ZNF407: variants seen among roughly 807,000 people sequenced by gnomAD.
ZNF407 encodes the protein zinc finger protein 407.
ZNF407 carries 17 observed loss-of-function variants against 131.2 expected under a neutral mutation model. That is an observed-to-expected ratio of 0.13 (90% confidence interval 0.09 to 0.19). The LOEUF (loss-of-function observed/expected upper bound fraction) is 0.19. Ranked by LOEUF, ZNF407 falls within the 10% of genes least tolerant of loss-of-function variation. The pLI is 1.00. For missense variants in ZNF407, 2,681 were observed against 2,830.6 expected (o/e 0.95, Z 1.20); for synonymous variants, 1,156 against 1,062.0 (o/e 1.09, Z -1.72).
chr18:74,717,454 CAT>C (rs1967921862), intron 3 of ZNF407, among the ~76,000 whole-genome samples: 1 of 152,296 alleles, frequency 6.6e-6, no homozygotes, highest in South Asian at 2.1e-4. Context: ...TTATTTCTCA[CAT>C]GATAACTGTT....
At chr18:74,863,260 C>G (rs1046504891) in intron 4 of ZNF407, among the ~76,000 whole-genome samples, 5 of 151,180 alleles carry the variant, frequency 3.3e-5, no homozygotes, top group African/African-American at 4.9e-5. Flanking sequence ...ACTTCCACCT[C>G]TTCTGCTTGT....
chr18:74,818,168 C>A (rs367902123), intron 4 of ZNF407, among the ~76,000 whole-genome samples: 42 of 152,078 alleles, frequency 2.8e-4, no homozygotes, highest in Non-Finnish European at 5.9e-4. Flanking sequence ...TTGGTGAGTC[C>A]GCCTGTGCCC....
chr18:74,741,208 A>G (rs1300115925), intron 3 of ZNF407, among the ~76,000 whole-genome samples: 2 of 152,202 alleles, frequency 1.3e-5, no homozygotes, highest in African/African-American at 4.8e-5. Flanking sequence ...ACGTTTCTAT[A>G]GTCAGGTCGG....
rs1966917509 is a variant in ZNF407, at chr18:74,679,000, C to G, written c.4802+37878C>G. ...AGATGCAGAGGAGAAAATTTCAAAGCCTGTTTACACCAAGTTCTGGAAAAT... is the reference window on the plus strand; with the variant it reads ...AGATGCAGAGGAGAAAATTTCAAAGGCTGTTTACACCAAGTTCTGGAAAAT... On this transcript the variant is annotated intron_variant, in intron 3 of 8. Transcript: ENST00000299687. Among the ~76,000 whole-genome samples the G allele has an allele frequency of 2.6e-5, 4 of 150,984 alleles. No individual in the cohort carries two copies. The South Asian group carries it at 8.4e-4, about 32-fold the overall frequency.
At chr18:74,696,369 C>G (rs1235712819) in intron 3 of ZNF407, among the ~76,000 whole-genome samples, 1 of 152,194 alleles carries the variant, frequency 6.6e-6, no homozygotes, top group East Asian at 1.9e-4. Flanking sequence ...TGAAAGTTTC[C>G]TGTTCTCCAG....
chr18:74,914,760 C>T (rs796997754), intron 7 of ZNF407, among the ~76,000 whole-genome samples: 3 of 152,230 alleles, frequency 2.0e-5, no homozygotes, highest in African/African-American at 7.2e-5. Flanking sequence ...GCACCATGGT[C>T]GTCTGCTGCC....
intron 3 of ZNF407, among the ~76,000 whole-genome samples, chr18:74,676,579 G>A (rs1187104312): frequency 2.0e-5 from 3 of 151,302 alleles, no homozygotes; most frequent in Non-Finnish European, 2.9e-5. Context: ...TGGGACTACA[G>A]GCGCCCACCA....
intron 8 of ZNF407, among the ~76,000 whole-genome samples, chr18:74,967,142 T>G (rs1273721270): frequency 6.6e-6 from 1 of 152,128 alleles, no homozygotes; most frequent in East Asian, 1.9e-4. Flanking sequence ...TGATCCCAGC[T>G]ACTCCGGAGG....
At chr18:74,686,224 T>C (rs1227950120) in intron 3 of ZNF407, among the ~76,000 whole-genome samples, 1 of 152,196 alleles carries the variant, frequency 6.6e-6, no homozygotes, top group Non-Finnish European at 1.5e-5. Flanking sequence ...CTGGGCAATA[T>C]AGGTTTAGAA....
intron 4 of ZNF407, among the ~76,000 whole-genome samples, chr18:74,834,524 A>G (rs955179804): frequency 8.5e-5 from 13 of 152,354 alleles, no homozygotes; most frequent in Middle Eastern, 3.4e-3. Flanking sequence ...TGATCTAGAA[A>G]TAACTCCAGA....
intron 3 of ZNF407, among the ~76,000 whole-genome samples, chr18:74,687,435 G>A (rs913116679): frequency 3.9e-5 from 6 of 152,178 alleles, no homozygotes; most frequent in Admixed American, 3.9e-4. Context: ...TGAGGAAGGA[G>A]CTGGGAAGCG....
At chr18:74,824,461 C>A (rs942901876) in intron 4 of ZNF407, among the ~76,000 whole-genome samples, 1 of 151,804 alleles carries the variant, frequency 6.6e-6, no homozygotes, top group African/African-American at 2.4e-5. Flanking sequence ...ATAGATAGAC[C>A]GCTAGCCTGA....
chr18:74,804,961 A>T (rs2145077768), intron 4 of ZNF407, among the ~76,000 whole-genome samples: 1 of 152,328 alleles, frequency 6.6e-6, no homozygotes, highest in African/African-American at 2.4e-5. Flanking sequence ...GCCAGGTCAC[A>T]TCTGAATTCA....
intron 3 of ZNF407, among the ~76,000 whole-genome samples, chr18:74,758,304 A>G (rs1172165780): frequency 1.3e-5 from 2 of 152,082 alleles, no homozygotes; most frequent in East Asian, 3.9e-4. Flanking sequence ...ATATACACAC[A>G]TGTATGTATA....
chr18:74,663,179 G>T (rs752335569), intron 3 of ZNF407, among the ~76,000 whole-genome samples: 1 of 152,012 alleles, frequency 6.6e-6, no homozygotes, highest in Non-Finnish European at 1.5e-5. Flanking sequence ...ATGAATGGGG[G>T]ACCTTATAAA....
Position 74,635,416 on chromosome 18 carries a change from C to T in ZNF407, c.4397C>T (p.Ala1466Val), listed in dbSNP as rs773951158. Residue 1466 changes from alanine to valine, a missense_variant, in exon 2 of 9, where the codon GCC becomes GTC. This residue lies in a region of ZNF407 where 213 missense variants were observed against 332.2 expected (regional missense o/e 0.64). Coordinates refer to ENST00000299687, the MANE Select transcript of ZNF407 (RefSeq NM_017757.3). The surrounding 1 kb of genome is among the most constrained non-coding windows in gnomAD (Gnocchi z 4.7). ...AACCTTCACCAGCATCTGGCTAGTG[C>T]CGGCCACATGAGAAATGAGCAGGCC... ...ESNLHQHLAS[A>V]GHMRNEQASV... 68 of 1,613,460 alleles carry T rather than the reference C, an allele frequency of 4.2e-5. No individual in the cohort carries two copies. The highest frequency in any genetic ancestry group is 3.3e-4 in the Middle Eastern group (2 of 6,062).
intron 3 of ZNF407, among the ~76,000 whole-genome samples, chr18:74,718,212 CCCT>C (rs1967943177): frequency 6.6e-6 from 1 of 151,564 alleles, no homozygotes; most frequent in African/African-American, 2.4e-5. Context: ...GCAGCCCCCC[CCCT>C]CCCCTTCCTG....
chr18:74,958,522 C>G (rs1472107086), intron 8 of ZNF407, among the ~76,000 whole-genome samples: 1 of 152,090 alleles, frequency 6.6e-6, no homozygotes, highest in East Asian at 1.9e-4. Context: ...GTGCACACAC[C>G]TGAGCTGCAT....
chr18:74,943,817 C>T (rs1221038809), intron 8 of ZNF407, among the ~76,000 whole-genome samples: 5 of 152,112 alleles, frequency 3.3e-5, no homozygotes, highest in African/African-American at 9.6e-5. Flanking sequence ...CTGAGGATAG[C>T]GTGGGATTAG....
Sources: allele counts gnomAD v4.1 joint callset (sites outside exome capture counted in the v4.1 genomes callset), GRCh38; gene constraint gnomAD v4.1.1; regional missense constraint gnomAD v4.1.1; non-coding constraint Gnocchi (gnomAD v3.1); transcripts MANE v1.5; gene names NCBI Gene and HGNC (gene_info 2026-07-23, HGNC 2026-07-21).